CAPZB: variants seen among roughly 807,000 people sequenced by gnomAD.
The protein encoded by CAPZB is F-actin-capping protein subunit beta.
Under a neutral mutation model 38.1 loss-of-function variants are expected in CAPZB, and 2 were observed. The ratio of observed to expected loss-of-function variants is 0.05; its 90% CI spans 0.02 to 0.17. The LOEUF is 0.17. Ranked by LOEUF, CAPZB falls within the 10% of genes least tolerant of loss-of-function variation. The probability of loss-of-function intolerance (pLI) is 1.00; values close to 1 mark genes in which losing one functional copy is unlikely to be tolerated. For synonymous variants in CAPZB, 107 were observed against 127.4 expected (o/e 0.84, Z 1.08); for missense variants, 161 against 334.2 (o/e 0.48, Z 4.04).
chr1:19,484,717 C>A lies in CAPZB; in HGVS notation c.3+719G>T, dbSNP rs562569444. On this transcript the variant is annotated intron_variant, in intron 1 of 8. Transcript: ENST00000264202. ...GGGGGCAGGACCCTGATGAGAGGCT[C>A]AGGGCGGGGACCGAGCGGGGCTGAC... 28 of 1,070,076 alleles carry A rather than the reference C, an allele frequency of 2.6e-5. 1 individual carries two copies. The African/African-American group carries it at 3.7e-4, about 14-fold the overall frequency. The allele number at this position is 1,070,076 out of a possible 1,614,324, so 66.3% of individuals were successfully genotyped here. A position where few individuals can be genotyped will look rare whatever the true frequency, so the allele number is the denominator to read the frequency against.
intron 2 of CAPZB, among the ~76,000 whole-genome samples, chr1:19,408,223 G>C (rs1159643253): frequency 2.6e-5 from 4 of 152,234 alleles, no homozygotes; most frequent in Non-Finnish European, 5.9e-5. Context: ...CCTCTAGGCT[G>C]GTGGAACCCA....
At chr1:19,383,607 C>T (rs1433496784) in intron 3 of CAPZB, among the ~76,000 whole-genome samples, 3 of 152,152 alleles carry the variant, frequency 2.0e-5, no homozygotes, top group African/African-American at 7.2e-5. Context: ...GTTCCAGGCA[C>T]AGAATGAGCC....
intron 1 of CAPZB, among the ~76,000 whole-genome samples, chr1:19,445,974 G>GT (rs1352554368): frequency 6.6e-6 from 1 of 152,226 alleles, no homozygotes; most frequent in Non-Finnish European, 1.5e-5. Context: ...AGAGCACATG[G>GT]TAAGACCCTG....
chr1:19,448,826 C>T (rs540022745), intron 1 of CAPZB: 26 of 1,612,802 alleles, frequency 1.6e-5, no homozygotes, highest in Admixed American at 5.0e-5. Flanking sequence ...ATCTAAAGTG[C>T]GTGTCACCTT....
intron 4 of CAPZB, among the ~76,000 whole-genome samples, chr1:19,372,075 A>G (rs754963568): frequency 6.6e-6 from 1 of 152,244 alleles, no homozygotes; most frequent in Non-Finnish European, 1.5e-5. Context: ...TTCACTCTAT[A>G]AACTTCTTCC....
chr1:19,458,382 T>C (rs906337098), intron 1 of CAPZB, among the ~76,000 whole-genome samples: 2 of 152,230 alleles, frequency 1.3e-5, no homozygotes, highest in Non-Finnish European at 2.9e-5. Context: ...AGACGGAGTT[T>C]CACTCCTGTT....
intron 2 of CAPZB, among the ~76,000 whole-genome samples, chr1:19,387,997 C>G (rs2094212820): frequency 6.6e-6 from 1 of 152,240 alleles, no homozygotes; most frequent in Non-Finnish European, 1.5e-5. Flanking sequence ...TGTGCTGCTT[C>G]AGACACAGGG....
intron 1 of CAPZB, chr1:19,484,190 C>T: frequency 6.2e-7 from 1 of 1,611,774 alleles, no homozygotes; most frequent in Non-Finnish European, 8.5e-7. Context: ...TTCTGCTCAC[C>T]TGATCCGAGG....
chr1:19,439,237 C>T (rs1420122526), intron 1 of CAPZB, among the ~76,000 whole-genome samples: 1 of 152,132 alleles, frequency 6.6e-6, no homozygotes, highest in South Asian at 2.1e-4. Flanking sequence ...ACAAGACTGT[C>T]CCACTCTTGT....
At chr1:19,442,009 C>CAA (rs11384902) in intron 1 of CAPZB, among the ~76,000 whole-genome samples, 6,454 of 85,816 alleles carry the variant, frequency 0.075, 837 homozygotes, top group African/African-American at 0.22. Flanking sequence ...ACTCTGTCTC[C>CAA]AAAAAAAAAA....
Position 19,442,009 on chromosome 1 carries a change from C to CAAA in CAPZB, c.4-22262_4-22260dup, listed in dbSNP as rs11384902. Among the ~76,000 whole-genome samples, 368 of 85,976 alleles carry CAAA rather than the reference C, an allele frequency of 4.3e-3. 18 individuals are homozygous for CAAA. Among genetic ancestry groups the CAAA allele is most frequent in the African/African-American group, 0.014 (297 of 20,492 alleles). The allele number at this position is 85,976 out of a possible 152,430, so 56.4% of individuals were successfully genotyped here. ...GGGCGACAGAGCAAGACTCTGTCTC[C>CAAA]AAAAAAAAAAAAAAAAAAAGCACAG... is the stretch of plus-strand genomic sequence containing the variant. On this transcript the variant is annotated intron_variant, in intron 1 of 8. Coordinates refer to ENST00000264202, the MANE Select transcript of CAPZB (RefSeq NM_004930.5).
intron 1 of CAPZB, among the ~76,000 whole-genome samples, chr1:19,469,353 T>C (rs2094578838): frequency 6.6e-6 from 1 of 152,200 alleles, no homozygotes; most frequent in African/African-American, 2.4e-5. Context: ...TTGTTTTCCA[T>C]TCATGGTAAG....
chr1:19,345,177 G>A lies in CAPZB; in HGVS notation c.654+10C>T, dbSNP rs769419296. ...CACTGCAGGAGCCAGCCAGAGCCCA[G>A]GTCACTCACCTCTACCAGGCGCCCG... On this transcript the variant is annotated intron_variant, in intron 7 of 8. Transcript: ENST00000264202. 1.2e-6 allele frequency: 2 copies of A among 1,612,118 alleles called. No homozygotes were observed.
chr1:19,476,949 G>A (rs1438970811), intron 1 of CAPZB, among the ~76,000 whole-genome samples: 7 of 152,204 alleles, frequency 4.6e-5, no homozygotes, highest in African/African-American at 7.2e-5. Context: ...CGCTGAGTGC[G>A]GTGGACCTGG....
In CAPZB at chr1:19,339,370, G is replaced by C; in HGVS notation, c.*160C>G. 1.5e-6 allele frequency: 1 copy of C among 681,986 alleles called. No homozygotes were observed. The highest frequency in any genetic ancestry group is 2.6e-6 in the Non-Finnish European group (1 of 378,062). The allele number at this position is 681,986 out of a possible 1,614,324, so 42.2% of individuals were successfully genotyped here. A position where few individuals can be genotyped will look rare whatever the true frequency, so the allele number is the denominator to read the frequency against. On this transcript the variant is annotated 3_prime_UTR_variant, in exon 9 of 9. Transcript: ENST00000264202. Reference sequence around the variant, plus strand: ...TCGGAGCCGGAGGAGGGTGGCTATCGGCTTTATTCTCAGGGAGAGATGGCG... The same window carrying C: ...TCGGAGCCGGAGGAGGGTGGCTATCCGCTTTATTCTCAGGGAGAGATGGCG...
At chr1:19,479,669 T>C (rs1255424058) in intron 1 of CAPZB, among the ~76,000 whole-genome samples, 2 of 152,102 alleles carry the variant, frequency 1.3e-5, no homozygotes, top group Non-Finnish European at 2.9e-5. Flanking sequence ...AGCTGATGCT[T>C]GTGGAGGCCT....
At chr1:19,473,934 T>C (rs1305679205) in intron 1 of CAPZB, among the ~76,000 whole-genome samples, 1 of 151,966 alleles carries the variant, frequency 6.6e-6, no homozygotes, top group Non-Finnish European at 1.5e-5. Flanking sequence ...GGAATTCCTA[T>C]GGACAATCAC....
chr1:19,439,463 T>C (rs2100626127), intron 1 of CAPZB, among the ~76,000 whole-genome samples: 1 of 152,326 alleles, frequency 6.6e-6, no homozygotes, highest in Admixed American at 6.5e-5. Flanking sequence ...CCGTATGAAA[T>C]CCCTAAAGCA....
intron 8 of CAPZB, among the ~76,000 whole-genome samples, chr1:19,343,015 C>T (rs537678843): frequency 1.3e-5 from 2 of 152,258 alleles, no homozygotes; most frequent in African/African-American, 2.4e-5. Context: ...GGAGTGGTAT[C>T]GCCGCTGCAG....
Sources: allele counts gnomAD v4.1 joint callset (sites outside exome capture counted in the v4.1 genomes callset), GRCh38; gene constraint gnomAD v4.1.1; transcripts MANE v1.5; gene names NCBI Gene and HGNC (gene_info 2026-07-23, HGNC 2026-07-21).